STAM: variants seen among roughly 807,000 people sequenced by gnomAD.
The protein encoded by STAM is signal transducing adapter molecule 1.
Under a neutral mutation model 63.4 loss-of-function variants are expected in STAM, and 16 were observed. The observed-to-expected ratio is 0.25, with a 90% CI of 0.17 to 0.38. The LOEUF (loss-of-function observed/expected upper bound fraction) is 0.38. Among genes scored for constraint, STAM ranks in the 10% least tolerant of loss-of-function variants. The pLI, the probability that STAM is intolerant of heterozygous loss-of-function variation, is 1.00. For missense variants in STAM, 636 were observed against 657.1 expected (o/e 0.97, Z 0.35); for synonymous variants, 238 against 223.9 (o/e 1.06, Z -0.56).
At chr10:17,655,489 G>A (rs927856534) in intron 1 of STAM, among the ~76,000 whole-genome samples, 13 of 152,020 alleles carry the variant, frequency 8.6e-5, no homozygotes, top group African/African-American at 3.1e-4. Flanking sequence ...TAGTTGTCCG[G>A]TGGTAGTGAC....
chr10:17,714,707 C>G lies in STAM; in HGVS notation c.1550C>G (p.Thr517Ser). Residue 517 changes from threonine (T) to serine (S), a missense_variant, in exon 14 of 14, where the codon ACT becomes AGT. Physicochemically the swap from Thr to Ser is moderately conservative, Grantham distance 58. This residue lies in a region of STAM where 532 missense variants were observed against 536.9 expected (regional missense o/e 0.99). Coordinates refer to ENST00000377524, the MANE Select transcript of STAM (RefSeq NM_003473.4). ...CCAAACTATAACTTAACATCATCAA[C>G]TCTGCCTCAGCCCGGAGGCAGCCAA... is the stretch of plus-strand genomic sequence containing the variant. ...QVPNYNLTSS[T>S]LPQPGGSQQP... The G allele has an allele frequency of 6.2e-7, 1 of 1,614,166 alleles. No homozygotes were observed. The highest frequency in any genetic ancestry group is 1.1e-5 in the South Asian group (1 of 91,066).
intron 12 of STAM, among the ~76,000 whole-genome samples, chr10:17,705,958 C>T (rs1254226086): frequency 6.6e-6 from 1 of 151,666 alleles, no homozygotes; most frequent in East Asian, 1.9e-4. Context: ...GGTCCCTGCT[C>T]TCGAAAAGCT....
chr10:17,708,668 C>A, intron 12 of STAM, 108 bp from the exon 13 acceptor site: 2 of 1,144,518 alleles, frequency 1.7e-6, no homozygotes, highest in South Asian at 2.6e-5. Flanking sequence ...AAAAGGATTC[C>A]AGAGTGGTGA....
At chr10:17,707,090 G>A (rs782505495) in intron 12 of STAM, among the ~76,000 whole-genome samples, 3 of 151,090 alleles carry the variant, frequency 2.0e-5, no homozygotes, top group Non-Finnish European at 2.9e-5. Context: ...AACTCATCAC[G>A]GTGAGGTGAG....
chr10:17,699,261 A>C (rs190576901), intron 8 of STAM, among the ~76,000 whole-genome samples: 4 of 152,340 alleles, frequency 2.6e-5, no homozygotes, highest in East Asian at 1.9e-4. Context: ...CATTGGAGGA[A>C]ATGTAATATT....
chr10:17,704,631 C>T lies in STAM; in HGVS notation c.1000+113C>T, dbSNP rs1836172400. The T allele has an allele frequency of 3.3e-5, 30 of 909,768 alleles. No individual in the cohort carries two copies. In the South Asian group the frequency reaches 4.6e-4, roughly 14 times the overall value. The allele number at this position is 909,768 out of a possible 1,614,324, so 56.4% of individuals were successfully genotyped here. The stretch of plus-strand genomic sequence containing the variant: ...ATTAAAAATGGAACATTTCTCACTT[C>T]TCCTTGACCCAGGCTCACTCTCATA... On this transcript the variant is annotated intron_variant, in intron 10 of 13. Transcript: ENST00000377524.
intron 5 of STAM, among the ~76,000 whole-genome samples, 180 bp from the exon 6 acceptor site, chr10:17,693,042 T>C (rs1361494874): frequency 5.9e-5 from 9 of 152,166 alleles, no homozygotes; most frequent in Non-Finnish European, 1.3e-4. Context: ...TTGCTCTCTG[T>C]GTTCTCCAAT....
At chr10:17,714,184 C>T (rs1328441807) in intron 13 of STAM, among the ~76,000 whole-genome samples, 1 of 152,144 alleles carries the variant, frequency 6.6e-6, no homozygotes, top group African/African-American at 2.4e-5. Context: ...TGCTCTTTGT[C>T]CTCCGTATTG....
chr10:17,645,757 G>A (rs144616585), intron 1 of STAM, among the ~76,000 whole-genome samples: 32 of 152,304 alleles, frequency 2.1e-4, no homozygotes, highest in African/African-American at 7.2e-4. Context: ...ACAGGACACA[G>A]CAGCTCAGTG....
chr10:17,658,692 G>T (rs1345846187), intron 1 of STAM, among the ~76,000 whole-genome samples: 9 of 152,072 alleles, frequency 5.9e-5, no homozygotes, highest in Non-Finnish European at 1.2e-4. Flanking sequence ...TCGTCATGTT[G>T]CCCAGGCTGG....
rs572373866 is a variant in STAM, at chr10:17,700,218, T to A, written c.851T>A (p.Phe284Tyr). 1.9e-6 allele frequency: 3 copies of A among 1,609,910 alleles called. No individual in the cohort carries two copies. Among genetic ancestry groups the A allele is most frequent in the Non-Finnish European group, 8.5e-7 (1 of 1,178,244 alleles). ...AAAACAGAGAAGAAGACGGTACAAT[T>A]TAGTGATGATGTTCAGGTAGAGACA... ...MIKTEKKTVQ[F>Y]SDDVQVETIE... Residue 284 changes from phenylalanine to tyrosine, a missense_variant, in exon 9 of 14, where the codon TTT becomes TAT. Physicochemically the swap from Phe to Tyr is conservative, Grantham distance 22 (BLOSUM62 3). Transcript: ENST00000377524.
chr10:17,652,546 T>C (rs987649950), intron 1 of STAM, among the ~76,000 whole-genome samples: 3 of 152,214 alleles, frequency 2.0e-5, no homozygotes, highest in African/African-American at 7.2e-5. Flanking sequence ...CAATTTATAT[T>C]TGATCAGATA....
chr10:17,689,087 G>C (rs1413350101), intron 5 of STAM, among the ~76,000 whole-genome samples: 9 of 152,032 alleles, frequency 5.9e-5, no homozygotes, highest in African/African-American at 2.2e-4. Context: ...GTCCACCCTT[G>C]TGCCAAAAAA....
chr10:17,669,354 GTTTT>G (rs1221257779), intron 2 of STAM, among the ~76,000 whole-genome samples: 1 of 135,288 alleles, frequency 7.4e-6, no homozygotes, highest in Non-Finnish European at 1.6e-5. Context: ...TGGTCTTGAG[GTTTT>G]TTTTTTTTTT....
intron 5 of STAM, among the ~76,000 whole-genome samples, chr10:17,689,953 A>C (rs782745930): frequency 6.6e-6 from 1 of 152,264 alleles, no homozygotes; most frequent in Admixed American, 6.5e-5. Flanking sequence ...ACTGCGTTTC[A>C]GTCCACAAAG....
chr10:17,699,047 A>C (rs77741328), intron 8 of STAM, among the ~76,000 whole-genome samples: 3,915 of 152,282 alleles, frequency 0.026, 160 homozygotes, highest in African/African-American at 0.089. Context: ...CACAACACGG[A>C]GTACCCAAGT....
In STAM at chr10:17,714,926, C is replaced by T. The variant is rs921574012; in HGVS notation, c.*146C>T. The T allele has an allele frequency of 2.5e-6, 2 of 787,808 alleles. No homozygotes were observed. Among genetic ancestry groups the T allele is most frequent in the Non-Finnish European group, 4.1e-6 (2 of 486,552 alleles). The allele number at this position is 787,808 out of a possible 1,614,324, so 48.8% of individuals were successfully genotyped here. ...TTCAAATATTCAAGAAGGTAGAACTCTCCTCAATTTACACTGACTTTTTAG... is the reference window on the plus strand; with the variant it reads ...TTCAAATATTCAAGAAGGTAGAACTTTCCTCAATTTACACTGACTTTTTAG... On this transcript the variant is annotated 3_prime_UTR_variant, in exon 14 of 14. Transcript: ENST00000377524.
intron 13 of STAM, among the ~76,000 whole-genome samples, chr10:17,713,741 T>C (rs1345380886): frequency 1.3e-5 from 2 of 152,120 alleles, no homozygotes; most frequent in Admixed American, 1.3e-4. Flanking sequence ...TCTCTCCTGG[T>C]GGATCGTAAT....
intron 4 of STAM, among the ~76,000 whole-genome samples, chr10:17,686,517 C>T (rs1341414639): frequency 6.6e-6 from 1 of 151,934 alleles, no homozygotes; most frequent in Non-Finnish European, 1.5e-5. Flanking sequence ...GCTGGGAATA[C>T]AGGCATGCGC....
Sources: gnomAD v4.1 joint callset for allele counts (sites outside exome capture counted in the v4.1 genomes callset) on GRCh38, gnomAD v4.1.1 for gene constraint, gnomAD v4.1.1 regional missense constraint, MANE v1.5 for transcripts, NCBI Gene and HGNC (gene_info 2026-07-23, HGNC 2026-07-21) for gene names.